NCAM2: variants seen among roughly 807,000 people sequenced by gnomAD.
NCAM2 encodes the protein N-CAM-2.
A neutral mutation model predicts 98.1 loss-of-function variants in NCAM2; 30 were observed. That is an observed-to-expected ratio of 0.31 (90% confidence interval 0.23 to 0.41). NCAM2 has a LOEUF of 0.41. NCAM2 is among the 10% of genes least tolerant of loss of function. The pLI, the probability that NCAM2 is intolerant of heterozygous loss-of-function variation, is 1.00. For synonymous variants in NCAM2, 368 were observed against 342.4 expected, an observed-to-expected ratio of 1.07 and a Z score of -0.83; for missense variants, 867 against 1,005.8, an observed-to-expected ratio of 0.86 and a Z score of 1.87.
intron 12 of NCAM2, among the ~76,000 whole-genome samples, chr21:21,444,733 T>A (rs1979832887): frequency 6.6e-6 from 1 of 152,214 alleles, no homozygotes; most frequent in Non-Finnish European, 1.5e-5. Flanking sequence ...TTTTCTTCTT[T>A]ATTAGACTAG....
At chr21:21,018,371 C>A (rs2064360902) in intron 1 of NCAM2, among the ~76,000 whole-genome samples, 1 of 152,192 alleles carries the variant, frequency 6.6e-6, no homozygotes, top group African/African-American at 2.4e-5. Context: ...CATGCGCAGA[C>A]TTGAATTCTT....
At chr21:21,029,873 G>T (rs538606611) in intron 1 of NCAM2, among the ~76,000 whole-genome samples, 7 of 151,960 alleles carry the variant, frequency 4.6e-5, no homozygotes, top group Non-Finnish European at 8.8e-5. Flanking sequence ...CTCGTGATTC[G>T]CCCGCCTGAG....
rs187166800 is a variant in NCAM2 at position 21,229,420 on chromosome 21, A to G, written c.56-51158A>G. Among the ~76,000 whole-genome samples, 34 of 151,650 alleles carry G rather than the reference A, an allele frequency of 2.2e-4. 1 individual carries two copies. On this transcript the variant is annotated intron_variant, in intron 1 of 17. Transcript: ENST00000400546. ...ATAAGATGTCACTTTAACAACTTATATCTTAGGCATTATAGTATTAATAAA... is the reference window on the plus strand; with the variant it reads ...ATAAGATGTCACTTTAACAACTTATGTCTTAGGCATTATAGTATTAATAAA...
At chr21:21,006,250 T>G in intron 1 of NCAM2, among the ~76,000 whole-genome samples, 1 of 152,180 alleles carries the variant, frequency 6.6e-6, no homozygotes, top group Admixed American at 6.5e-5. Flanking sequence ...CTCACATCTG[T>G]AATCCCAGGA....
At chr21:21,113,894 T>G (rs1312237503) in intron 1 of NCAM2, among the ~76,000 whole-genome samples, 1 of 152,192 alleles carries the variant, frequency 6.6e-6, no homozygotes, top group Non-Finnish European at 1.5e-5. Flanking sequence ...ATAGTCTTTA[T>G]TTCTATTTGT....
chr21:21,274,983 A>G (rs975002481), intron 1 of NCAM2, among the ~76,000 whole-genome samples: 7 of 152,130 alleles, frequency 4.6e-5, no homozygotes, highest in African/African-American at 1.7e-4. Flanking sequence ...AAATGCTAAT[A>G]TATTCATTAT....
At chr21:21,420,974 G>A (rs937410725) in intron 11 of NCAM2, among the ~76,000 whole-genome samples, 2 of 151,690 alleles carry the variant, frequency 1.3e-5, no homozygotes, top group African/African-American at 2.4e-5. Flanking sequence ...TGGAAATTAT[G>A]CAACTTTTCT....
chr21:21,501,396 A>T (rs745963880), intron 15 of NCAM2, among the ~76,000 whole-genome samples: 28 of 151,992 alleles, frequency 1.8e-4, no homozygotes, highest in Admixed American at 1.3e-4. Flanking sequence ...TATCATATCC[A>T]TTAGCTCCTT....
rs10618210 is a variant in NCAM2, at chr21:21,259,919, AACACACACACACACACAC to A, written c.56-20629_56-20612del. On this transcript the variant is annotated intron_variant, in intron 1 of 17. Coordinates refer to ENST00000400546, the MANE Select transcript of NCAM2 (RefSeq NM_004540.5). ...TTACATCCAAATAAAAATAAGAAGC[AACACACACACACACACAC>A]ACACACACACACACACACACACACA... Among the ~76,000 whole-genome samples the A allele has an allele frequency of 7.1e-3, 1,002 of 142,024 alleles. 10 individuals are homozygous for A. Among genetic ancestry groups the A allele is most frequent in the South Asian group, 0.021 (89 of 4,302 alleles). The allele number at this position is 142,024 out of a possible 152,430, so 93.2% of individuals were successfully genotyped here.
rs13433420 is a variant in NCAM2 at position 21,461,913 on chromosome 21, C to T, written c.1655-4693C>T. On this transcript the variant is annotated intron_variant, in intron 12 of 17. Coordinates refer to ENST00000400546, the MANE Select transcript of NCAM2 (RefSeq NM_004540.5). ...AAGTCATTCGTACGTGTGGAGCTGG[C>T]ATCAAAGTATTAAAATGTTCTGCGT... 4.1e-3 allele frequency among the ~76,000 whole-genome samples: 617 copies of T among 151,934 alleles called. 6 individuals carry two copies. Among genetic ancestry groups the T allele is most frequent in the Middle Eastern group, 0.01 (3 of 294 alleles).
rs181426827 is a variant in NCAM2 at position 21,275,381 on chromosome 21, A to G, written c.56-5197A>G. On this transcript the variant is annotated intron_variant, in intron 1 of 17. Coordinates refer to ENST00000400546, the MANE Select transcript of NCAM2 (RefSeq NM_004540.5). ...CGTGAACCTGGGAGGCGGAGCTTGC[A>G]GTGAGCTGAGATCATGCCACTGCAC... 6.2e-3 allele frequency among the ~76,000 whole-genome samples: 944 copies of G among 152,110 alleles called. 15 individuals are homozygous for G. The highest frequency in any genetic ancestry group is 0.021 in the African/African-American group (872 of 41,506).
chr21:21,014,203 A>G (rs920170096), intron 1 of NCAM2, among the ~76,000 whole-genome samples: 2 of 152,132 alleles, frequency 1.3e-5, no homozygotes, highest in Admixed American at 6.5e-5. Flanking sequence ...AGGAAGGCAG[A>G]TCATGAGGTC....
At chr21:21,159,496 T>G (rs369144137) in intron 1 of NCAM2, among the ~76,000 whole-genome samples, 1 of 152,184 alleles carries the variant, frequency 6.6e-6, no homozygotes, top group South Asian at 2.1e-4. Context: ...TTATATTCCA[T>G]TTTTGTTGGA....
intron 12 of NCAM2, among the ~76,000 whole-genome samples, chr21:21,451,417 T>C (rs968277656): frequency 2.6e-5 from 4 of 152,178 alleles, no homozygotes; most frequent in Non-Finnish European, 5.9e-5. Flanking sequence ...TGTTCTTCAA[T>C]ATTAATTCTT....
intron 6 of NCAM2, among the ~76,000 whole-genome samples, chr21:21,325,783 C>T (rs2147803931): frequency 6.6e-6 from 1 of 152,054 alleles, no homozygotes; most frequent in East Asian, 1.9e-4. Flanking sequence ...ATTTATTTAA[C>T]AGATAAAGAA....
intron 15 of NCAM2, among the ~76,000 whole-genome samples, chr21:21,503,731 T>C (rs940818315): frequency 6.6e-6 from 1 of 151,960 alleles, no homozygotes; most frequent in South Asian, 2.1e-4. Flanking sequence ...CAAGAAGATA[T>C]GGGGAAACAG....
chr21:21,494,354 G>C (rs911208006), intron 15 of NCAM2, among the ~76,000 whole-genome samples: 99 of 151,852 alleles, frequency 6.5e-4, no homozygotes, highest in African/African-American at 2.2e-3. Flanking sequence ...TCTATATATG[G>C]AGCAGCCTTT....
rs958212148 is a variant in NCAM2, at chr21:21,009,810, C to T, written c.55+11192C>T. Among the ~76,000 whole-genome samples the T allele has an allele frequency of 1.3e-5, 2 of 151,072 alleles. 1 individual carries two copies. Among genetic ancestry groups the T allele is most frequent in the Admixed American group, 1.3e-4 (2 of 15,116 alleles). ...GTTTTATCTTAGTTTTTAAGAGATA[C>T]TTTAATGTTTTCTCTGTTTTAAAAA... On this transcript the variant is annotated intron_variant, in intron 1 of 17. Transcript: ENST00000400546.
intron 1 of NCAM2, among the ~76,000 whole-genome samples, chr21:21,139,959 T>C (rs192171340): frequency 6.6e-6 from 1 of 152,290 alleles, no homozygotes; most frequent in Admixed American, 6.5e-5. Context: ...TAAGAAAACA[T>C]TCATCATGAA....
Sources: allele counts gnomAD v4.1 joint callset (sites outside exome capture counted in the v4.1 genomes callset), GRCh38; gene constraint gnomAD v4.1.1; transcripts MANE v1.5; gene names NCBI Gene and HGNC (gene_info 2026-07-23, HGNC 2026-07-21).